Variants in DLGAP2 observed in about 807,000 individuals in gnomAD.
DLGAP2 encodes the protein disks large-associated protein 2.
In DLGAP2, 26 loss-of-function variants were observed where a neutral mutation model predicts 100.3. The observed-to-expected ratio is 0.26, with a 90% CI of 0.19 to 0.36. DLGAP2 has a LOEUF of 0.36. DLGAP2 is among the 10% of genes least tolerant of loss of function. DLGAP2 has a pLI of 1.00. For synonymous variants in DLGAP2, 886 were observed against 630.1 expected, an observed-to-expected ratio of 1.41 and a Z score of -6.08; for missense variants, 1,858 against 1,453.2, an observed-to-expected ratio of 1.28 and a Z score of -4.53.
Position 1,549,087 on chromosome 8 carries a change from T to C in DLGAP2, c.634T>C (p.Tyr212His). The C allele has an allele frequency of 1.3e-6, 2 of 1,586,428 alleles. No homozygotes were observed. Among genetic ancestry groups the C allele is most frequent in the Middle Eastern group, 1.7e-4 (1 of 6,038 alleles). Residue 212 changes from tyrosine to histidine, a missense_variant, in exon 5 of 15, where the codon TAC becomes CAC. Transcript: ENST00000637795. ...CCGGGACGGCTTCCACACGCTGCAG[T>C]ACCAGAGGACGTCCGCGGCCGCCGA... ...LHRDGFHTLQ[Y>H]QRTSAAAEQR...
intron 6 of DLGAP2, among the ~76,000 whole-genome samples, chr8:1,568,287 C>T (rs1446078532): frequency 8.9e-5 from 5 of 56,252 alleles, no homozygotes; most frequent in Admixed American, 8.8e-4. Context: ...GACACAAATC[C>T]GTCTTTGCCT....
At chr8:1,027,325 C>G (rs1196402540) in intron 2 of DLGAP2, among the ~76,000 whole-genome samples, 2 of 151,760 alleles carry the variant, frequency 1.3e-5, no homozygotes, top group Admixed American at 6.6e-5. Context: ...GATGGGGTGC[C>G]AGGCACCCAT....
intron 2 of DLGAP2, among the ~76,000 whole-genome samples, chr8:1,066,384 GAT>G (rs1226032025): frequency 2.1e-4 from 32 of 149,298 alleles, no homozygotes; most frequent in African/African-American, 3.0e-4. Context: ...TCCCCACCAG[GAT>G]CAGGTCTGAG....
At chr8:1,039,528 C>T (rs529875292) in intron 2 of DLGAP2, among the ~76,000 whole-genome samples, 9 of 118,544 alleles carry the variant, frequency 7.6e-5, no homozygotes, top group East Asian at 5.3e-4. Flanking sequence ...ATGTTCAGCT[C>T]GGTGTGCGTG....
chr8:1,058,767 TA>T (rs1350279469), intron 2 of DLGAP2, among the ~76,000 whole-genome samples: 2 of 152,178 alleles, frequency 1.3e-5, no homozygotes, highest in African/African-American at 4.8e-5. Context: ...CAAGTGATCT[TA>T]AAAGTGATAT....
intron 3 of DLGAP2, among the ~76,000 whole-genome samples, chr8:1,428,051 A>G (rs1363307874): frequency 1.3e-5 from 2 of 152,192 alleles, no homozygotes. Flanking sequence ...GAAAATAAAA[A>G]TAAATGACTT....
intron 1 of DLGAP2, among the ~76,000 whole-genome samples, chr8:885,463 C>G (rs74550775): frequency 3.2e-4 from 48 of 152,150 alleles, no homozygotes; most frequent in African/African-American, 1.1e-3. Flanking sequence ...GATTTTTGCA[C>G]ATTGATTTTG....
intron 3 of DLGAP2, among the ~76,000 whole-genome samples, chr8:1,366,724 C>G (rs554632828): frequency 1.3e-5 from 2 of 152,106 alleles, no homozygotes; most frequent in Non-Finnish European, 2.9e-5. Context: ...CTGCACCCCA[C>G]AAGGATGGAG....
chr8:834,907 G>A (rs1796844288), intron 1 of DLGAP2, among the ~76,000 whole-genome samples: 1 of 152,216 alleles, frequency 6.6e-6, no homozygotes, highest in African/African-American at 2.4e-5. Context: ...TTTCTAGAAT[G>A]AGACTTCATT....
chr8:1,530,015 A>T (rs184096119), intron 4 of DLGAP2, among the ~76,000 whole-genome samples: 1 of 152,362 alleles, frequency 6.6e-6, no homozygotes, highest in Admixed American at 6.5e-5. Context: ...AGATCACAGG[A>T]CCACAGGACG....
chr8:855,538 C>A (rs1440555662), intron 1 of DLGAP2, among the ~76,000 whole-genome samples: 1 of 152,176 alleles, frequency 6.6e-6, no homozygotes, highest in Admixed American at 6.5e-5. Flanking sequence ...ACGTGTCACA[C>A]AGACACATCA....
chr8:1,297,786 C>T (rs68048695), intron 3 of DLGAP2, among the ~76,000 whole-genome samples: 89 of 96,898 alleles, frequency 9.2e-4, no homozygotes, highest in Admixed American at 1.1e-3. Flanking sequence ...ACAGACACCA[C>T]GTGAGACAGG....
chr8:1,145,083 A>C (rs1342937281), intron 2 of DLGAP2, among the ~76,000 whole-genome samples: 1 of 152,254 alleles, frequency 6.6e-6, no homozygotes, highest in Non-Finnish European at 1.5e-5. Context: ...GTAGGTGGCC[A>C]AGGGACCAGG....
chr8:1,358,600 G>A (rs1801907752), intron 3 of DLGAP2, among the ~76,000 whole-genome samples: 1 of 152,206 alleles, frequency 6.6e-6, no homozygotes, highest in Non-Finnish European at 1.5e-5. Flanking sequence ...GAGGCCTGCA[G>A]TGAAAGCAGC....
chr8:1,675,772 A>C (rs763755020), intron 10 of DLGAP2, among the ~76,000 whole-genome samples: 1 of 152,030 alleles, frequency 6.6e-6, no homozygotes, highest in African/African-American at 2.4e-5. Flanking sequence ...GCCTGGAATC[A>C]TATCAATGGC....
chr8:1,351,489 T>G lies in DLGAP2; in HGVS notation c.106+92606T>G, dbSNP rs540838719. Among the ~76,000 whole-genome samples, 380 of 43,776 alleles carry G rather than the reference T, an allele frequency of 8.7e-3. 52 individuals carry two copies. Among genetic ancestry groups the G allele is most frequent in the African/African-American group, 0.025 (356 of 14,384 alleles). 28.7% of individuals were successfully genotyped at this position (43,776 alleles called of 152,430 possible). A position where few individuals can be genotyped will look rare whatever the true frequency, so the allele number is the denominator to read the frequency against. ...AAAGGCCGTGCGGGTCCTGAGTGTG[T>G]GTGGATAGGCTGTGCGGGTCCTGAC... On this transcript the variant is annotated intron_variant, in intron 3 of 14. Coordinates refer to ENST00000637795, the MANE Select transcript of DLGAP2 (RefSeq NM_001346810.2).
chr8:1,248,285 A>G (rs1208154430), intron 2 of DLGAP2, among the ~76,000 whole-genome samples: 2 of 99,488 alleles, frequency 2.0e-5, no homozygotes, highest in Non-Finnish European at 4.0e-5. Context: ...GGCCGGGAAG[A>G]CCTTTGAGAT....
intron 3 of DLGAP2, among the ~76,000 whole-genome samples, chr8:1,437,123 G>A (rs1204251916): frequency 2.8e-5 from 4 of 142,408 alleles, no homozygotes; most frequent in Non-Finnish European, 6.0e-5. Context: ...CAGCCCAGGC[G>A]CGTAAGGGTG....
At chr8:1,334,554 T>A (rs766976604) in intron 3 of DLGAP2, among the ~76,000 whole-genome samples, 2 of 152,168 alleles carry the variant, frequency 1.3e-5, no homozygotes, top group Non-Finnish European at 2.9e-5. Context: ...GTCACGCAGA[T>A]GTGAGTGTGA....
Sources: gnomAD v4.1 joint callset for allele counts (sites outside exome capture counted in the v4.1 genomes callset) on GRCh38, gnomAD v4.1.1 for gene constraint, MANE v1.5 for transcripts, NCBI Gene and HGNC (gene_info 2026-07-23, HGNC 2026-07-21) for gene names.